The following NXF1 variants were observed in gnomAD, a reference collection of about 807,000 sequenced individuals.
NXF1 encodes mRNA export factor TAP.
NXF1 carries 43 observed loss-of-function variants against 92.4 expected under a neutral mutation model. The observed-to-expected ratio is 0.47, with a 90% CI of 0.36 to 0.60. The LOEUF (loss-of-function observed/expected upper bound fraction) is 0.60. Among genes scored for constraint, NXF1 ranks in the 20% least tolerant of loss-of-function variants. The pLI, the probability that NXF1 is intolerant of heterozygous loss-of-function variation, is 0.00. For synonymous variants in NXF1, 288 were observed against 292.2 expected (o/e 0.99, Z 0.15); for missense variants, 576 against 793.0 (o/e 0.73, Z 3.29).
At chr11:62,798,639 G>A in intron 10 of NXF1, 64 bp from the exon 11 acceptor site, 1 of 1,607,528 alleles carries the variant, frequency 6.2e-7, no homozygotes, top group Non-Finnish European at 8.5e-7. Flanking sequence ...GGCTGCTCTA[G>A]GAGCAAATAT....
chr11:62,797,060 A>G (rs1306804445), intron 13 of NXF1, 123 bp downstream of exon 13: 3 of 815,594 alleles, frequency 3.7e-6, no homozygotes, highest in African/African-American at 1.9e-5. Flanking sequence ...ACAGTGAGAC[A>G]CTGTCCAAAA....
rs1478177729 is a variant in NXF1, at chr11:62,794,993, G to A, written c.1519C>T (p.Arg507Trp). Residue 507 changes from arginine (R) to tryptophan (W), a missense_variant, in exon 18 of 21, where the codon CGG (arginine) becomes TGG (tryptophan). This residue lies in a region of NXF1 where 425 missense variants were observed against 635.2 expected (regional missense o/e 0.67). Coordinates refer to ENST00000294172, the MANE Select transcript of NXF1 (RefSeq NM_006362.5). ...CGGGTGAAGGCTCGCAAAGAATCCC[G>A]GGACTTTCCGTCCACTGCAATAAGA... ...GVFKEVDGKSRDSLRAFTRTF... is the reference protein window; with the variant it reads ...GVFKEVDGKSWDSLRAFTRTF... 9 of 1,614,092 alleles carry A rather than the reference G, an allele frequency of 5.6e-6. No individual in the cohort carries two copies. Among genetic ancestry groups the A allele is most frequent in the Non-Finnish European group, 6.8e-6 (8 of 1,179,980 alleles).
chr11:62,799,565 C>T, intron 10 of NXF1: 2 of 985,650 alleles, frequency 2.0e-6, no homozygotes, highest in Non-Finnish European at 2.4e-6. Context: ...GAATCTTACC[C>T]GTCTCTGGCT....
intron 1 of NXF1, chr11:62,804,281 TGAA>T (rs2084511244): frequency 8.1e-7 from 1 of 1,240,720 alleles, no homozygotes; most frequent in Non-Finnish European, 1.1e-6. Flanking sequence ...ATCAGACCTC[TGAA>T]AGCCACCTGA....
intron 3 of NXF1, among the ~76,000 whole-genome samples, chr11:62,802,636 C>T (rs1316849841): frequency 1.3e-5 from 2 of 152,102 alleles, no homozygotes; most frequent in Non-Finnish European, 2.9e-5. Context: ...AGGGGTCTTG[C>T]TGTATTTCCC....
rs1590947070 is a variant in NXF1 at position 62,792,373 on chromosome 11, C to A, written c.*103G>T. 2.1e-6 allele frequency: 3 copies of A among 1,423,182 alleles called. No individual in the cohort carries two copies. Among genetic ancestry groups the A allele is most frequent in the Non-Finnish European group, 3.0e-6 (3 of 1,008,840 alleles). The allele number at this position is 1,423,182 out of a possible 1,614,324, so 88.2% of individuals were successfully genotyped here. ...GCCCTCCCTCCCTCGGTCACAGTCA[C>A]GGGGCGGCCTCGGGCCAGACAGGAG... On this transcript the variant is annotated 3_prime_UTR_variant, in exon 21 of 21. Transcript: ENST00000294172.
intron 19 of NXF1, among the ~76,000 whole-genome samples, chr11:62,793,755 A>G (rs2084391106): frequency 6.9e-6 from 1 of 145,048 alleles, no homozygotes; most frequent in Admixed American, 7.0e-5. Flanking sequence ...AGGCCGAGGT[A>G]GGCAGATCAC....
Position 62,792,778 on chromosome 11 carries a change from C to T in NXF1, c.1761-77G>A, listed in dbSNP as rs79324007. 1.8e-3 allele frequency: 2,443 copies of T among 1,344,462 alleles called. 38 individuals carry two copies. The African/African-American group carries it at 0.031, about 17-fold the overall frequency. 83.3% of individuals were successfully genotyped at this position (1,344,462 alleles called of 1,614,324 possible). On this transcript the variant is annotated intron_variant, in intron 19 of 20. Transcript: ENST00000294172. ...GCTGAAAGTCCACTCCATAAAAGCA[C>T]CCAAGTTTGCCAACAAATATGTACA... is the stretch of plus-strand genomic sequence containing the variant.
chr11:62,803,503 A>G lies in NXF1; in HGVS notation c.285T>C (p.Thr95=). The change falls in exon 3 of 21, where the codon ACT becomes ACC. Residue 95 remains threonine (T), a synonymous_variant. Transcript: ENST00000294172. ...CTGGAGGAGCTCTGTCTCTCCGCAC[A>G]GTAACATGAATGCGATCTCGATCAT... is the stretch of plus-strand genomic sequence containing the variant. ...TWHDRDRIHV[T]VRRDRAPPER... is the part of the protein sequence containing the mutation. 3.1e-6 allele frequency: 5 copies of G among 1,614,076 alleles called. No individual in the cohort carries two copies. Among genetic ancestry groups the G allele is most frequent in the Non-Finnish European group, 4.2e-6 (5 of 1,180,018 alleles).
In NXF1 at chr11:62,797,345, T is replaced by C; in HGVS notation, c.1095A>G (p.Glu365=). The C allele has an allele frequency of 1.2e-6, 2 of 1,614,008 alleles. No individual in the cohort carries two copies. The highest frequency in any genetic ancestry group is 1.7e-6 in the Non-Finnish European group (2 of 1,179,994). ...TGCAGGGCGGTAACGTCGTGGGGGC[T>C]TCAACATCAAAGGCAATTGGTGGGG... ...ELPPPIAFDV[E]APTTLPPCKG... is the part of the protein sequence containing the mutation. The change falls in exon 12 of 21, where the codon GAA becomes GAG. Residue 365 remains glutamate, a synonymous_variant. Transcript: ENST00000294172.
At chr11:62,804,777 T>A (rs1488267712) in intron 1 of NXF1, among the ~76,000 whole-genome samples, 2 of 152,108 alleles carry the variant, frequency 1.3e-5, no homozygotes, top group Non-Finnish European at 2.9e-5. Flanking sequence ...TCTTAAGAAA[T>A]GCTGTTGTTA....
At chr11:62,798,254 C>G (rs1447946799) in intron 11 of NXF1, among the ~76,000 whole-genome samples, 1 of 151,404 alleles carries the variant, frequency 6.6e-6, no homozygotes, top group East Asian at 1.9e-4. Context: ...ATGGTGAAAC[C>G]CTGTCTCTAC....
chr11:62,797,519 C>T (rs1395367325), intron 11 of NXF1, 133 bp from the exon 12 acceptor site: 18 of 741,130 alleles, frequency 2.4e-5, no homozygotes, highest in Non-Finnish European at 3.9e-5. Context: ...GGCTGGACAA[C>T]GTGGCAAAAC....
chr11:62,801,906 C>T (rs1264606946), intron 5 of NXF1, 36 bp downstream of exon 5: 1 of 1,609,238 alleles, frequency 6.2e-7, no homozygotes, highest in Non-Finnish European at 8.5e-7. Context: ...GAGCACCAAC[C>T]TCCACCTCCA....
At chr11:62,801,851 T>C (rs749562717) in intron 5 of NXF1, 32 bp from the exon 6 acceptor site, 1 of 1,608,064 alleles carries the variant, frequency 6.2e-7, no homozygotes, top group Admixed American at 1.7e-5. Context: ...CACAGAAAAC[T>C]CTAGGGAAGC....
intron 19 of NXF1, 61 bp downstream of exon 19, chr11:62,794,197 T>TGA: frequency 6.7e-7 from 1 of 1,481,654 alleles, no homozygotes; most frequent in Non-Finnish European, 9.2e-7. Context: ...TCAGGAGCCC[T>TGA]CATTATTTAC....
chr11:62,792,583 T>G (rs1050614657), intron 20 of NXF1, 58 bp downstream of exon 20: 20 of 1,613,624 alleles, frequency 1.2e-5, no homozygotes, highest in Non-Finnish European at 1.7e-5. Flanking sequence ...TCAGCTAACC[T>G]GACCTCCTGG....
In NXF1 at chr11:62,801,722, A is replaced by C. The variant is rs1361159434; in HGVS notation, c.639+17T>G. The C allele has an allele frequency of 1.9e-6, 3 of 1,612,770 alleles. No individual in the cohort carries two copies. Among genetic ancestry groups the C allele is most frequent in the Admixed American group, 3.3e-5 (2 of 60,010 alleles). ...AGTAAGACTGGGTTGGAAACATCTA[A>C]TTTGAGCCTGCCTCACCTTTAGCTG... On this transcript the variant is annotated intron_variant, in intron 6 of 20. Transcript: ENST00000294172.
At chr11:62,801,303 G>T (rs755261012) in intron 8 of NXF1, 26 bp downstream of exon 8, 1 of 1,611,244 alleles carries the variant, frequency 6.2e-7, no homozygotes, top group Non-Finnish European at 8.5e-7. Flanking sequence ...GCTTCCTCAT[G>T]CCTAATACTG....
Sources: allele counts gnomAD v4.1 joint callset (sites outside exome capture counted in the v4.1 genomes callset), GRCh38; gene constraint gnomAD v4.1.1; regional missense constraint gnomAD v4.1.1; transcripts MANE v1.5; gene names NCBI Gene and HGNC (gene_info 2026-07-23, HGNC 2026-07-21).